The following LPCAT1 variants were observed in gnomAD, a reference collection of about 807,000 sequenced individuals.
The protein encoded by LPCAT1 is 1-acylglycerol-3-phosphate O-acyltransferase.
A neutral mutation model predicts 60.9 loss-of-function variants in LPCAT1; 23 were observed. That is an observed-to-expected ratio of 0.38 (90% CI 0.27 to 0.53). The LOEUF (loss-of-function observed/expected upper bound fraction) is 0.53. Among genes scored for constraint, LPCAT1 ranks in the 20% least tolerant of loss-of-function variants. LPCAT1 has a pLI of 0.82. For synonymous variants in LPCAT1, 340 were observed against 301.1 expected (o/e 1.13, Z -1.34); for missense variants, 622 against 723.6 (o/e 0.86, Z 1.61).
rs1735237853 is a variant in LPCAT1, at chr5:1,483,394, C to T, written c.726+34G>A. ...GCAGTTCCCGTTTCCCGGAGAATTC[C>T]CCTGGAAGCTGACCCCAAAAAAACA... On this transcript the variant is annotated intron_variant, in intron 6 of 13. Coordinates refer to ENST00000283415, the MANE Select transcript of LPCAT1 (RefSeq NM_024830.5). This position sits in a 1 kb window ranked among gnomAD's most constrained non-coding sequence, Gnocchi z 9.2. 6.2e-7 allele frequency: 1 copy of T among 1,610,194 alleles called. No individual in the cohort carries two copies. Among genetic ancestry groups the T allele is most frequent in the Non-Finnish European group, 8.5e-7 (1 of 1,176,968 alleles).
chr5:1,515,624 C>G (rs185651590), intron 1 of LPCAT1, among the ~76,000 whole-genome samples: 6 of 151,964 alleles, frequency 3.9e-5, no homozygotes, highest in Non-Finnish European at 5.9e-5. Flanking sequence ...GACCCTCCCC[C>G]ACCTCCCACT....
At position 1,494,694 on chromosome 5, in the gene LPCAT1, A is replaced by T. The variant is rs1237755215; in HGVS notation, c.493+6T>A. On this transcript the variant is annotated splice_donor_region_variant and intron_variant, in intron 3 of 13. Transcript: ENST00000283415. ...CCCTCACTCCCAGCAGGGGTGTCTC[A>T]CTCACTTCCCCAGATCGGGATGTCT... The T allele has an allele frequency of 3.1e-6, 5 of 1,613,448 alleles. No homozygotes were observed. The highest frequency in any genetic ancestry group is 3.4e-6 in the Non-Finnish European group (4 of 1,179,428).
intron 5 of LPCAT1, among the ~76,000 whole-genome samples, chr5:1,485,968 C>T (rs1172993026): frequency 2.0e-5 from 3 of 152,220 alleles, no homozygotes; most frequent in Non-Finnish European, 2.9e-5. Context: ...CACGCAGCAT[C>T]CTAGGGCCTT....
intron 1 of LPCAT1, among the ~76,000 whole-genome samples, chr5:1,518,520 T>C (rs1736576989): frequency 6.6e-6 from 1 of 152,204 alleles, no homozygotes; most frequent in African/African-American, 2.4e-5. Context: ...TTTTGTATTT[T>C]TAGTAGAGAC....
intron 11 of LPCAT1, among the ~76,000 whole-genome samples, chr5:1,471,812 CA>C (rs1396711508): frequency 1.4e-5 from 2 of 146,008 alleles, no homozygotes; most frequent in African/African-American, 2.6e-5. Flanking sequence ...GCACTCAGGA[CA>C]GGGGGAGGAC....
At position 1,523,536 on chromosome 5, in the gene LPCAT1, C is replaced by T. The variant is rs1736739871; in HGVS notation, c.135+174G>A. On this transcript the variant is annotated intron_variant, in intron 1 of 13. Transcript: ENST00000283415. The surrounding 1 kb of genome is among the most constrained non-coding windows in gnomAD (Gnocchi z 7.1). ...GGCGCCGAGACCGAGGCATCGGGTG[C>T]GGGCGGCGGGGACGCGAACTGAGGG... Among the ~76,000 whole-genome samples the T allele has an allele frequency of 6.6e-6, 1 of 150,560 alleles. No individual in the cohort carries two copies. The highest frequency in any genetic ancestry group is 6.6e-5 in the Admixed American group (1 of 15,146).
At chr5:1,506,039 G>T (rs1056027369) in intron 1 of LPCAT1, among the ~76,000 whole-genome samples, 1 of 152,268 alleles carries the variant, frequency 6.6e-6, no homozygotes, top group African/African-American at 2.4e-5. Context: ...CAGCAGCAAG[G>T]AGAGGGGCCT....
At chr5:1,463,946 AG>A in intron 13 of LPCAT1, 111 bp from the exon 14 acceptor site, 2 of 1,115,836 alleles carry the variant, frequency 1.8e-6, no homozygotes, top group Non-Finnish European at 2.6e-6. Context: ...CCCTCCAGGG[AG>A]GGTTAGAATC....
In LPCAT1 at chr5:1,463,400, G is replaced by T; in HGVS notation, c.*251C>A. ...GTGCCCCCCGCCCGGCAGGGAACCT[G>T]ACCCCACGGGGTCCAGGCCAGGCGG... On this transcript the variant is annotated 3_prime_UTR_variant, in exon 14 of 14. Coordinates refer to ENST00000283415, the MANE Select transcript of LPCAT1 (RefSeq NM_024830.5). 1 of 498,364 alleles carries T rather than the reference G, an allele frequency of 2.0e-6. No homozygotes were observed. Among genetic ancestry groups the T allele is most frequent in the Non-Finnish European group, 3.5e-6 (1 of 283,386 alleles). 30.9% of individuals were successfully genotyped at this position (498,364 alleles called of 1,614,324 possible).
intron 1 of LPCAT1, among the ~76,000 whole-genome samples, chr5:1,513,648 G>A (rs186406821): frequency 1.2e-3 from 139 of 111,524 alleles, no homozygotes; most frequent in Middle Eastern, 0.016. Context: ...CTGCGATTAT[G>A]TTTCCTCCAT....
At chr5:1,474,517 C>T (rs756478198) in intron 10 of LPCAT1, 43 bp downstream of exon 10, 13 of 1,603,040 alleles carry the variant, frequency 8.1e-6, no homozygotes, top group Admixed American at 1.7e-5. Flanking sequence ...CTCGGCATCA[C>T]GGGTTCTAGC....
intron 2 of LPCAT1, among the ~76,000 whole-genome samples, chr5:1,498,753 T>C (rs1222610500): frequency 1.3e-5 from 2 of 152,066 alleles, no homozygotes; most frequent in African/African-American, 4.8e-5. Flanking sequence ...CACTCACATG[T>C]ACACACATGC....
chr5:1,473,087 CT>C (rs1734753549), intron 11 of LPCAT1, among the ~76,000 whole-genome samples: 1 of 152,102 alleles, frequency 6.6e-6, no homozygotes, highest in South Asian at 2.1e-4. Context: ...AGTCCTCCCC[CT>C]GTCCTGAGTG....
Position 1,501,441 on chromosome 5 carries a change from A to C in LPCAT1, c.278+20T>G. 1 of 1,597,014 alleles carries C rather than the reference A, an allele frequency of 6.3e-7. No homozygotes were observed. The highest frequency in any genetic ancestry group is 8.5e-7 in the Non-Finnish European group (1 of 1,172,200). On this transcript the variant is annotated intron_variant, in intron 2 of 13. Coordinates refer to ENST00000283415, the MANE Select transcript of LPCAT1 (RefSeq NM_024830.5). ...CGTGACCCCCCCCCAGGAGGAGAGC[A>C]CGGCACACGCGCAACTTACTTCCTC...
chr5:1,485,360 G>C (rs1333284598), intron 5 of LPCAT1, among the ~76,000 whole-genome samples: 1 of 152,154 alleles, frequency 6.6e-6, no homozygotes, highest in Non-Finnish European at 1.5e-5. Flanking sequence ...GACCCCGCCA[G>C]CACTGTGCAC....
At chr5:1,510,350 G>T (rs184900489) in intron 1 of LPCAT1, among the ~76,000 whole-genome samples, 1 of 152,134 alleles carries the variant, frequency 6.6e-6, no homozygotes, top group Non-Finnish European at 1.5e-5. Flanking sequence ...CAGCCGTACC[G>T]CCTCCCGCCG....
chr5:1,523,901 G>GGGGCTA lies in LPCAT1; in HGVS notation c.-63_-58dup. 9.9e-7 allele frequency: 1 copy of GGGGCTA among 1,006,388 alleles called. No individual in the cohort carries two copies. The highest frequency in any genetic ancestry group is 1.2e-6 in the Non-Finnish European group (1 of 843,528). 62.3% of individuals were successfully genotyped at this position (1,006,388 alleles called of 1,614,324 possible). ...GCTGCCTGGGGCGCCGAGCGGGGCC[G>GGGGCTA]GGGCTAGCTGGGCGCGGGTCTCGGG... On this transcript the variant is annotated 5_prime_UTR_variant, in exon 1 of 14. Transcript: ENST00000283415. This position sits in a 1 kb window ranked among gnomAD's most constrained non-coding sequence, Gnocchi z 7.1.
At chr5:1,494,581 C>G in intron 3 of LPCAT1, 119 bp downstream of exon 3, 1 of 963,806 alleles carries the variant, frequency 1.0e-6, no homozygotes, top group Non-Finnish European at 1.6e-6. Context: ...CACTCATTCC[C>G]AACAGAGGGG....
Position 1,463,430 on chromosome 5 carries a change from T to A in LPCAT1, c.*221A>T. 1.8e-6 allele frequency: 1 copy of A among 560,302 alleles called. No homozygotes were observed. The highest frequency in any genetic ancestry group is 2.7e-5 in the South Asian group (1 of 37,390). 34.7% of individuals were successfully genotyped at this position (560,302 alleles called of 1,614,324 possible). ...CACGGGGTCCAGGCCAGGCGGGGGA[T>A]CCGCGTGCGCGCCCTCCGATTCTCG... is the stretch of plus-strand genomic sequence containing the variant. On this transcript the variant is annotated 3_prime_UTR_variant, in exon 14 of 14. Transcript: ENST00000283415.
Sources: allele counts gnomAD v4.1 joint callset (sites outside exome capture counted in the v4.1 genomes callset), GRCh38; gene constraint gnomAD v4.1.1; non-coding constraint Gnocchi (gnomAD v3.1); transcripts MANE v1.5; gene names NCBI Gene and HGNC (gene_info 2026-07-23, HGNC 2026-07-21).